The following SEMA3E variants were observed in gnomAD, a reference collection of about 807,000 sequenced individuals.
SEMA3E encodes the protein semaphorin 3E.
In SEMA3E, 49 loss-of-function variants were observed where a neutral mutation model predicts 93.6. That is an observed-to-expected ratio of 0.52 (90% CI 0.42 to 0.66). The LOEUF (loss-of-function observed/expected upper bound fraction) is 0.66. SEMA3E is among the 30% of genes least tolerant of loss of function. SEMA3E has a pLI of 0.00. For missense variants in SEMA3E, 906 were observed against 964.8 expected (o/e 0.94, Z 0.81); for synonymous variants, 363 against 330.7 (o/e 1.10, Z -1.06).
At chr7:83,493,219 G>A (rs1790419846) in intron 1 of SEMA3E, among the ~76,000 whole-genome samples, 1 of 151,774 alleles carries the variant, frequency 6.6e-6, no homozygotes, top group East Asian at 1.9e-4. Flanking sequence ...TCATACTGTT[G>A]GAAGCTTATC....
chr7:83,379,698 C>G (rs1406032419), intron 16 of SEMA3E, among the ~76,000 whole-genome samples: 1 of 151,850 alleles, frequency 6.6e-6, no homozygotes, highest in Non-Finnish European at 1.5e-5. Flanking sequence ...ACCAGACTGT[C>G]TGGGCTCAAA....
chr7:83,464,083 A>G (rs1460364111), intron 4 of SEMA3E, among the ~76,000 whole-genome samples: 2 of 152,086 alleles, frequency 1.3e-5, no homozygotes, highest in Non-Finnish European at 2.9e-5. Context: ...AGCCTTTATT[A>G]GTCAAATCAG....
At chr7:83,639,110 C>CCT (rs1793941712) in intron 1 of SEMA3E, among the ~76,000 whole-genome samples, 1 of 27,436 alleles carries the variant, frequency 3.6e-5, no homozygotes, top group Non-Finnish European at 6.0e-5. Flanking sequence ...GACTCCGTCT[C>CCT]AAAAAAAAAA....
rs113966811 is a variant in SEMA3E at position 83,395,656 on chromosome 7, C to A, written c.1458+982G>T. Among the ~76,000 whole-genome samples, 305 of 152,220 alleles carry A rather than the reference C, an allele frequency of 2.0e-3. 3 individuals are homozygous for A. The highest frequency in any genetic ancestry group is 6.8e-3 in the African/African-American group (281 of 41,546). On this transcript the variant is annotated intron_variant, in intron 12 of 16. Transcript: ENST00000643230. ...GGACTATGTAGTGCCAAGATTTTCA[C>A]ATGTCTGTGCTTTTTGTTGATGTTT...
At chr7:83,426,559 C>T (rs1584241021) in intron 4 of SEMA3E, among the ~76,000 whole-genome samples, 1 of 152,186 alleles carries the variant, frequency 6.6e-6, no homozygotes, top group African/African-American at 2.4e-5. Context: ...GGTTGAAAAA[C>T]TAACCTTTGG....
chr7:83,526,835 T>C (rs182720807), intron 1 of SEMA3E, among the ~76,000 whole-genome samples: 104 of 152,272 alleles, frequency 6.8e-4, no homozygotes, highest in African/African-American at 2.3e-3. Flanking sequence ...ATCAACCAGT[T>C]AAACCGTGGG....
chr7:83,534,509 TA>T (rs1791371761), intron 1 of SEMA3E, among the ~76,000 whole-genome samples: 1 of 152,170 alleles, frequency 6.6e-6, no homozygotes. Context: ...TTAATAGAAA[TA>T]AAAGTAAAAA....
intron 1 of SEMA3E, 131 bp downstream of exon 1, chr7:83,648,297 T>C: frequency 1.5e-6 from 1 of 679,850 alleles, no homozygotes; most frequent in South Asian, 1.8e-5. Flanking sequence ...AGTTTTGCAA[T>C]AAATTTTTCA....
intron 1 of SEMA3E, among the ~76,000 whole-genome samples, chr7:83,553,337 A>G (rs1162737428): frequency 6.6e-6 from 1 of 151,906 alleles, no homozygotes; most frequent in African/African-American, 2.4e-5. Context: ...ATCCACACTC[A>G]CAATTTTAGT....
chr7:83,497,519 T>C (rs574459301), intron 1 of SEMA3E, among the ~76,000 whole-genome samples: 2 of 152,270 alleles, frequency 1.3e-5, no homozygotes, highest in East Asian at 1.9e-4. Flanking sequence ...AAATGAAATA[T>C]GGAAATAGCC....
At chr7:83,395,466 C>T (rs1788102284) in intron 12 of SEMA3E, among the ~76,000 whole-genome samples, 1 of 152,170 alleles carries the variant, frequency 6.6e-6, no homozygotes, top group African/African-American at 2.4e-5. Context: ...TTAGTTGCAA[C>T]CCCAATATCA....
At chr7:83,386,656 C>T (rs528210261) in intron 15 of SEMA3E, among the ~76,000 whole-genome samples, 4 of 152,174 alleles carry the variant, frequency 2.6e-5, no homozygotes, top group Non-Finnish European at 5.9e-5. Flanking sequence ...AGATAGTCCC[C>T]AGTATGAGAT....
intron 1 of SEMA3E, among the ~76,000 whole-genome samples, chr7:83,617,635 T>C (rs1285987759): frequency 1.4e-5 from 2 of 146,780 alleles, no homozygotes; most frequent in Non-Finnish European, 3.0e-5. Flanking sequence ...AAATTTTATA[T>C]AAATAATATA....
chr7:83,560,536 G>C (rs181908347), intron 1 of SEMA3E, among the ~76,000 whole-genome samples: 1 of 151,958 alleles, frequency 6.6e-6, no homozygotes, highest in Admixed American at 6.6e-5. Flanking sequence ...TTGCCTTGTG[G>C]ATAGATATGT....
intron 4 of SEMA3E, among the ~76,000 whole-genome samples, chr7:83,439,768 A>G (rs1789074894): frequency 6.6e-6 from 1 of 152,194 alleles, no homozygotes; most frequent in Non-Finnish European, 1.5e-5. Context: ...AGCTTATACT[A>G]CAGAAGCAAA....
chr7:83,416,935 C>T (rs1344308500), intron 5 of SEMA3E, among the ~76,000 whole-genome samples: 2 of 150,950 alleles, frequency 1.3e-5, no homozygotes, highest in Non-Finnish European at 3.0e-5. Context: ...CTGACTTAGG[C>T]AACCCTTTTC....
chr7:83,382,679 A>G (rs957178559), intron 16 of SEMA3E, among the ~76,000 whole-genome samples: 1 of 151,518 alleles, frequency 6.6e-6, no homozygotes, highest in African/African-American at 2.4e-5. Context: ...TTACTTAATT[A>G]TAATTAATAA....
At chr7:83,408,809 GT>G (rs950952186) in intron 5 of SEMA3E, among the ~76,000 whole-genome samples, 2 of 152,138 alleles carry the variant, frequency 1.3e-5, no homozygotes, top group Non-Finnish European at 2.9e-5. Context: ...ACCTATATGA[GT>G]TTTTGGTAAA....
intron 1 of SEMA3E, chr7:83,616,668 A>C (rs1793372827): frequency 2.2e-6 from 1 of 444,466 alleles, no homozygotes; most frequent in African/African-American, 2.1e-5. Flanking sequence ...TCAAGTTGTG[A>C]AGGCCCAGAT....
Sources: gnomAD v4.1 joint callset for allele counts (sites outside exome capture counted in the v4.1 genomes callset) on GRCh38, gnomAD v4.1.1 for gene constraint, MANE v1.5 for transcripts, NCBI Gene and HGNC (gene_info 2026-07-23, HGNC 2026-07-21) for gene names.